Variants in RNF216 observed in about 807,000 individuals in gnomAD.
RNF216 encodes E3 ubiquitin-protein ligase RNF216.
Under a neutral mutation model 110.8 loss-of-function variants are expected in RNF216, and 72 were observed. The observed-to-expected ratio is 0.65, with a 90% confidence interval of 0.54 to 0.79. The LOEUF is 0.79. RNF216 is among the 30% of genes least tolerant of loss of function. The pLI, the probability that RNF216 is intolerant of heterozygous loss-of-function variation, is 0.00. For missense variants in RNF216, 1,342 were observed against 1,141.2 expected, an observed-to-expected ratio of 1.18 and a Z score of -2.54; for synonymous variants, 495 against 407.5, an observed-to-expected ratio of 1.21 and a Z score of -2.59.
At chr7:5,694,034 AG>A (rs1791485607) in intron 13 of RNF216, among the ~76,000 whole-genome samples, 1 of 152,226 alleles carries the variant, frequency 6.6e-6, no homozygotes, top group Admixed American at 6.5e-5. Flanking sequence ...GAATGCTCCC[AG>A]GCATCATGGG....
chr7:5,636,345 T>A (rs1330960052), intron 15 of RNF216, among the ~76,000 whole-genome samples: 1 of 152,252 alleles, frequency 6.6e-6, no homozygotes, highest in Non-Finnish European at 1.5e-5. Context: ...CTTAGTTGAA[T>A]GCTTTTGGCT....
At chr7:5,781,044 T>C (rs1191543452) in intron 1 of RNF216, among the ~76,000 whole-genome samples, 1 of 151,760 alleles carries the variant, frequency 6.6e-6, no homozygotes. Flanking sequence ...GAGTGCCGGG[T>C]GACAGTCGCC....
Position 5,679,815 on chromosome 7 carries a change from C to A in RNF216, c.2062-27305G>T, listed in dbSNP as rs1049805570. On this transcript the variant is annotated intron_variant, in intron 13 of 16. Coordinates refer to ENST00000389902, the MANE Select transcript of RNF216 (RefSeq NM_207111.4). Reference sequence around the variant, plus strand: ...CCTGTGGGAATGAGCATCTTTAGACCCTCAGCAGGAGAGACTATCATGCTC... The same window carrying A: ...CCTGTGGGAATGAGCATCTTTAGACACTCAGCAGGAGAGACTATCATGCTC... Among the ~76,000 whole-genome samples, 5 of 152,102 alleles carry A rather than the reference C, an allele frequency of 3.3e-5. 1 individual carries two copies. The highest frequency in any genetic ancestry group is 3.3e-4 in the Admixed American group (5 of 15,266).
chr7:5,642,173 T>C (rs2128568143), intron 14 of RNF216, among the ~76,000 whole-genome samples: 1 of 151,960 alleles, frequency 6.6e-6, no homozygotes, highest in South Asian at 2.1e-4. Context: ...ACTCAGCAAC[T>C]GTGAAGACAC....
chr7:5,714,927 C>A, intron 11 of RNF216, 126 bp downstream of exon 11: 2 of 783,652 alleles, frequency 2.6e-6, no homozygotes, highest in African/African-American at 1.7e-5. Flanking sequence ...AGGTAATGTA[C>A]ACATAAGCAT....
chr7:5,755,804 AG>A (rs1795606428), intron 2 of RNF216, among the ~76,000 whole-genome samples: 2 of 152,188 alleles, frequency 1.3e-5, no homozygotes, highest in African/African-American at 4.8e-5. Context: ...GATACATTCT[AG>A]GAGTGGAAAT....
At chr7:5,726,236 A>G (rs1793744598) in intron 7 of RNF216, among the ~76,000 whole-genome samples, 2 of 152,206 alleles carry the variant, frequency 1.3e-5, no homozygotes, top group Admixed American at 6.5e-5. Context: ...TGATTGCGCC[A>G]CTGCACTCCA....
chr7:5,776,301 T>C (rs577874982), intron 1 of RNF216, among the ~76,000 whole-genome samples: 52 of 151,974 alleles, frequency 3.4e-4, no homozygotes, highest in Admixed American at 2.5e-3. Flanking sequence ...AAAGAGACTA[T>C]AGCCGGGCAC....
chr7:5,629,135 CAATGA>C, intron 15 of RNF216, among the ~76,000 whole-genome samples: 1 of 147,522 alleles, frequency 6.8e-6, no homozygotes, highest in Non-Finnish European at 1.5e-5. Context: ...GTGGAGATTG[CAATGA>C]GCAGAGATGG....
At chr7:5,701,477 C>T (rs1430827799) in intron 13 of RNF216, among the ~76,000 whole-genome samples, 1 of 152,178 alleles carries the variant, frequency 6.6e-6, no homozygotes, top group East Asian at 1.9e-4. Flanking sequence ...GCTATTACTT[C>T]GTGACACAAA....
chr7:5,749,426 C>T (rs1280251419), intron 3 of RNF216, among the ~76,000 whole-genome samples: 2 of 152,140 alleles, frequency 1.3e-5, no homozygotes, highest in South Asian at 2.1e-4. Flanking sequence ...GCTGGGATTA[C>T]AGGCGTGAGC....
chr7:5,704,267 C>G (rs142626701), intron 13 of RNF216, among the ~76,000 whole-genome samples: 1 of 152,106 alleles, frequency 6.6e-6, no homozygotes, highest in African/African-American at 2.4e-5. Context: ...CATTTCAGAG[C>G]GACAAGTTCC....
At chr7:5,653,244 CAT>C (rs533563543) in intron 13 of RNF216, among the ~76,000 whole-genome samples, 97 of 152,216 alleles carry the variant, frequency 6.4e-4, no homozygotes, top group Non-Finnish European at 1.1e-3. Context: ...TAGGATCCTT[CAT>C]AGTTTATAAA....
At chr7:5,703,144 T>C (rs935822115) in intron 13 of RNF216, among the ~76,000 whole-genome samples, 1 of 152,208 alleles carries the variant, frequency 6.6e-6, no homozygotes, top group African/African-American at 2.4e-5. Flanking sequence ...TTGACTCACA[T>C]CATGCAGCAT....
At chr7:5,656,494 C>G (rs852519) in intron 13 of RNF216, among the ~76,000 whole-genome samples, 190 of 152,040 alleles carry the variant, frequency 1.2e-3, no homozygotes, top group African/African-American at 4.5e-3. Context: ...GCCTTTCCGA[C>G]TGGGGGAAAC....
chr7:5,691,366 T>C (rs1410982133), intron 13 of RNF216, among the ~76,000 whole-genome samples: 1 of 152,124 alleles, frequency 6.6e-6, no homozygotes, highest in Admixed American at 6.5e-5. Flanking sequence ...GTTCCTGTTC[T>C]GGCTGGATTG....
At chr7:5,690,112 T>C (rs991367222) in intron 13 of RNF216, among the ~76,000 whole-genome samples, 1 of 152,032 alleles carries the variant, frequency 6.6e-6, no homozygotes, top group African/African-American at 2.4e-5. Context: ...GCGGATCACC[T>C]GAGGTCAGGA....
At chr7:5,764,228 GA>G (rs1796084441) in intron 1 of RNF216, among the ~76,000 whole-genome samples, 1 of 147,908 alleles carries the variant, frequency 6.8e-6, no homozygotes, top group Non-Finnish European at 1.5e-5. Flanking sequence ...AAAAAAAACA[GA>G]TAAGTATCCA....
At chr7:5,707,749 A>T (rs1331909503) in intron 13 of RNF216, among the ~76,000 whole-genome samples, 8 of 118,572 alleles carry the variant, frequency 6.7e-5, no homozygotes, top group Non-Finnish European at 9.7e-5. Context: ...TTTGTGACAG[A>T]GTCTCACTCT....
Sources: gnomAD v4.1 joint callset for allele counts (sites outside exome capture counted in the v4.1 genomes callset) on GRCh38, gnomAD v4.1.1 for gene constraint, MANE v1.5 for transcripts, NCBI Gene and HGNC (gene_info 2026-07-23, HGNC 2026-07-21) for gene names.